Variants in ASH2L observed in about 807,000 individuals in gnomAD.
ASH2L encodes set1/Ash2 histone methyltransferase complex subunit ASH2.
ASH2L carries 30 observed loss-of-function variants against 81.1 expected under a neutral mutation model. The ratio of observed to expected loss-of-function variants is 0.37; its 90% CI spans 0.28 to 0.50. ASH2L has a LOEUF of 0.50. Among genes scored for constraint, ASH2L ranks in the 20% least tolerant of loss-of-function variants. The pLI is 0.95. For missense variants in ASH2L, 559 were observed against 792.1 expected (o/e 0.71, Z 3.53); for synonymous variants, 273 against 279.9 (o/e 0.98, Z 0.24).
chr8:38,129,582 C>T (rs1328958380), intron 12 of ASH2L, among the ~76,000 whole-genome samples: 3 of 152,152 alleles, frequency 2.0e-5, no homozygotes, highest in Admixed American at 6.5e-5. Flanking sequence ...TGCACTCCCC[C>T]CAAAAAAGAG....
At chr8:38,112,003 A>G (rs910227075) in intron 5 of ASH2L, among the ~76,000 whole-genome samples, 3 of 152,160 alleles carry the variant, frequency 2.0e-5, no homozygotes, top group Admixed American at 6.5e-5. Context: ...TCTCTAATCT[A>G]TTAATAAAAC....
intron 3 of ASH2L, among the ~76,000 whole-genome samples, chr8:38,109,722 C>T (rs1399063821): frequency 2.0e-5 from 3 of 152,202 alleles, no homozygotes; most frequent in Non-Finnish European, 4.4e-5. Context: ...GAGGTCTGAG[C>T]CACTGTGCCT....
chr8:38,119,553 C>A (rs1321353093), intron 9 of ASH2L, among the ~76,000 whole-genome samples, 190 bp downstream of exon 9: 1 of 152,158 alleles, frequency 6.6e-6, no homozygotes, highest in Admixed American at 6.5e-5. Context: ...TGCGTGTAAT[C>A]CCAGCACTTT....
At chr8:38,122,714 T>TTAGA (rs57801400) in intron 10 of ASH2L, among the ~76,000 whole-genome samples, 151,508 of 152,170 alleles carry the variant, frequency 1, 75,431 homozygotes, top group East Asian at 1. Context: ...ATGTGAATAA[T>TTAGA]TAGATAATTA....
intron 10 of ASH2L, among the ~76,000 whole-genome samples, chr8:38,122,851 C>G (rs540527026): frequency 2.6e-5 from 4 of 152,236 alleles, no homozygotes; most frequent in South Asian, 4.1e-4. Context: ...TCAAACGATC[C>G]TCCTGCCTCA....
rs1158761544 is a variant in ASH2L at position 38,139,538 on chromosome 8, G to A, written c.*467G>A. On this transcript the variant is annotated 3_prime_UTR_variant, in exon 16 of 16. Coordinates refer to ENST00000343823, the MANE Select transcript of ASH2L (RefSeq NM_004674.5). ...CTATACATTCCAAACCAATCTAAACGCTATTTCCTTTTGGTGTGGGTTTGG... is the reference window on the plus strand; with the variant it reads ...CTATACATTCCAAACCAATCTAAACACTATTTCCTTTTGGTGTGGGTTTGG... 6.5e-6 allele frequency: 1 copy of A among 153,062 alleles called. No homozygotes were observed. The highest frequency in any genetic ancestry group is 1.5e-5 in the Non-Finnish European group (1 of 68,490). The allele number at this position is 153,062 out of a possible 1,614,324, so 9.5% of individuals were successfully genotyped here.
rs760422488 is a variant in ASH2L at position 38,116,710 on chromosome 8, A to G, written c.838A>G (p.Ser280Gly). ...NQKQSSAVST[S>G]GNLNGGIAAG... ...AAAACAGAGCAGTGCTGTGTCTACT[A>G]GTGGGAATTTAAATGGTAAGTGTTT... is the stretch of plus-strand genomic sequence containing the variant. Residue 280 changes from serine (S) to glycine (G), a missense_variant, in exon 8 of 16, where the codon AGT (serine) becomes GGT (glycine). Physicochemically the swap from Ser to Gly is moderately conservative, Grantham distance 56. This residue lies in a region of ASH2L where 318 missense variants were observed against 527.0 expected (regional missense o/e 0.60). Transcript: ENST00000343823. 6 of 1,612,720 alleles carry G rather than the reference A, an allele frequency of 3.7e-6. No individual in the cohort carries two copies. In the East Asian group the frequency reaches 1.1e-4, roughly 30 times the overall value.
chr8:38,127,849 C>A (rs1801914978), intron 10 of ASH2L, among the ~76,000 whole-genome samples: 1 of 151,382 alleles, frequency 6.6e-6, no homozygotes, highest in Non-Finnish European at 1.5e-5. Flanking sequence ...AGTTCGAGAC[C>A]AGCCTGACCA....
intron 14 of ASH2L, among the ~76,000 whole-genome samples, chr8:38,136,785 A>G (rs1241745584): frequency 6.6e-6 from 1 of 150,920 alleles, no homozygotes; most frequent in Non-Finnish European, 1.5e-5. Context: ...AAAAAAAAAA[A>G]AGAAAGAAAA....
rs761182730 is a variant in ASH2L, at chr8:38,115,009, A to G, written c.777+9A>G. The G allele has an allele frequency of 3.2e-6, 5 of 1,554,010 alleles. No homozygotes were observed. Among genetic ancestry groups the G allele is most frequent in the Non-Finnish European group, 3.6e-6 (4 of 1,125,806 alleles). On this transcript the variant is annotated intron_variant, in intron 7 of 15. Transcript: ENST00000343823. ...TTGGACTTTTGGATCAGGTACATTA[A>G]TATGTTTTACATTTTCTTTTTGATT...
Position 38,105,556 on chromosome 8 carries a change from G to T in ASH2L, c.6G>T (p.Ala2=). The part of the protein sequence containing the change: M[A]AAGAGPGQEA... ...GAAGTCCAGGGGTGGCCGTGATGGC[G>T]GCGGCAGGAGCAGGACCTGGCCAGG... Residue 2 remains alanine (A), a synonymous_variant, in exon 1 of 16, where the codon GCG becomes GCT. Coordinates refer to ENST00000343823, the MANE Select transcript of ASH2L (RefSeq NM_004674.5). 6.4e-7 allele frequency: 1 copy of T among 1,567,086 alleles called. No individual in the cohort carries two copies. Among genetic ancestry groups the T allele is most frequent in the Non-Finnish European group, 8.7e-7 (1 of 1,155,000 alleles).
intron 5 of ASH2L, among the ~76,000 whole-genome samples, chr8:38,113,772 G>A (rs1429849394): frequency 6.6e-6 from 1 of 152,232 alleles, no homozygotes; most frequent in Admixed American, 6.5e-5. Flanking sequence ...AGATTTATGA[G>A]GTAATATACC....
intron 9 of ASH2L, among the ~76,000 whole-genome samples, chr8:38,120,233 A>G (rs955964159): frequency 7.2e-5 from 11 of 152,190 alleles, no homozygotes; most frequent in Admixed American, 6.5e-4. Flanking sequence ...TTCTGGTGAT[A>G]AGCCTGGGGA....
chr8:38,128,639 T>C lies in ASH2L; in HGVS notation c.1334-119T>C. ...GTAATTCTTTGCTTGTGAGAAAGTT[T>C]TTAAGCAATTTTACAAAATTGACCA... On this transcript the variant is annotated intron_variant, in intron 11 of 15. Coordinates refer to ENST00000343823, the MANE Select transcript of ASH2L (RefSeq NM_004674.5). 5 of 1,501,950 alleles carry C rather than the reference T, an allele frequency of 3.3e-6. No individual in the cohort carries two copies. The South Asian group carries it at 5.2e-5, about 16-fold the overall frequency. 93.0% of individuals were successfully genotyped at this position (1,501,950 alleles called of 1,614,324 possible).
chr8:38,106,878 C>G (rs924089852), intron 2 of ASH2L, 143 bp from the exon 3 acceptor site: 6 of 864,516 alleles, frequency 6.9e-6, no homozygotes, highest in Middle Eastern at 4.2e-4. Context: ...TGCCTGTAAT[C>G]CCAGCACTTT....
intron 13 of ASH2L, 47 bp downstream of exon 13, chr8:38,133,593 T>C (rs756722407): frequency 2.2e-6 from 3 of 1,382,754 alleles, no homozygotes; most frequent in South Asian, 2.5e-5. Flanking sequence ...CCTTGAGCGT[T>C]AGGACCCATT....
chr8:38,133,229 C>T (rs922144104), intron 12 of ASH2L, among the ~76,000 whole-genome samples: 1 of 152,142 alleles, frequency 6.6e-6, no homozygotes, highest in Non-Finnish European at 1.5e-5. Flanking sequence ...TATTTTCTCA[C>T]GTTTCTTACT....
intron 5 of ASH2L, among the ~76,000 whole-genome samples, chr8:38,113,552 C>T (rs1353740877): frequency 6.6e-6 from 1 of 152,048 alleles, no homozygotes; most frequent in Non-Finnish European, 1.5e-5. Context: ...GTCATGCAAG[C>T]AGGAGTTGGT....
At position 38,139,230 on chromosome 8, in the gene ASH2L, C is replaced by T; in HGVS notation, c.*159C>T. On this transcript the variant is annotated 3_prime_UTR_variant, in exon 16 of 16. Coordinates refer to ENST00000343823, the MANE Select transcript of ASH2L (RefSeq NM_004674.5). The stretch of plus-strand genomic sequence containing the variant: ...GGTAGGACTGCGGGAGACTGCCTGC[C>T]TTTCACCATTTTCTCCCCACTTCCA... The T allele has an allele frequency of 3.4e-6, 2 of 587,912 alleles. No homozygotes were observed. The highest frequency in any genetic ancestry group is 2.9e-6 in the Non-Finnish European group (1 of 339,930). The allele number at this position is 587,912 out of a possible 1,614,324, so 36.4% of individuals were successfully genotyped here. A position where few individuals can be genotyped will look rare whatever the true frequency, so the allele number is the denominator to read the frequency against.
Sources: allele counts gnomAD v4.1 joint callset (sites outside exome capture counted in the v4.1 genomes callset), GRCh38; gene constraint gnomAD v4.1.1; regional missense constraint gnomAD v4.1.1; transcripts MANE v1.5; gene names NCBI Gene and HGNC (gene_info 2026-07-23, HGNC 2026-07-21).